Variants in CWC27 observed in about 807,000 individuals in gnomAD.
CWC27 encodes the protein CWC27 spliceosome associated cyclophilin.
Under a neutral mutation model 63.6 loss-of-function variants are expected in CWC27, and 47 were observed. The ratio of observed to expected loss-of-function variants is 0.74; its 90% CI spans 0.58 to 0.94. The LOEUF (loss-of-function observed/expected upper bound fraction) is 0.94. Among genes scored for constraint, CWC27 ranks in the 40% least tolerant of loss-of-function variants. The pLI is 0.00. For synonymous variants in CWC27, 175 were observed against 179.8 expected (o/e 0.97, Z 0.22); for missense variants, 495 against 554.3 (o/e 0.89, Z 1.07).
At chr5:64,963,165 T>C (rs912581321) in intron 11 of CWC27, among the ~76,000 whole-genome samples, 4 of 152,124 alleles carry the variant, frequency 2.6e-5, no homozygotes, top group African/African-American at 9.7e-5. Flanking sequence ...TTTTGCCATG[T>C]TGCCCAGGCT....
At chr5:64,915,747 A>G (rs898475885) in intron 11 of CWC27, among the ~76,000 whole-genome samples, 4 of 152,182 alleles carry the variant, frequency 2.6e-5, no homozygotes, top group African/African-American at 9.7e-5. Context: ...AATGCTTACT[A>G]TATGCCAAGC....
chr5:64,782,088 G>A, intron 3 of CWC27, 55 bp downstream of exon 3: 1 of 978,694 alleles, frequency 1.0e-6, no homozygotes, highest in Non-Finnish European at 1.5e-6. Flanking sequence ...TTATTTCCAA[G>A]TCAGTTTGGA....
chr5:64,856,100 A>G lies in CWC27; in HGVS notation c.939-29343A>G, dbSNP rs1746251761. ...TTGTGGAGTTTTTAAGATGACTACA[A>G]ACTCCAATATTAATTATATTTTAAA... On this transcript the variant is annotated intron_variant, in intron 10 of 13. Transcript: ENST00000381070. Among the ~76,000 whole-genome samples, 5 of 152,040 alleles carry G rather than the reference A, an allele frequency of 3.3e-5. No homozygotes were observed. The South Asian group carries it at 1.0e-3, about 32-fold the overall frequency.
chr5:65,003,612 G>A (rs1428096533), intron 13 of CWC27, among the ~76,000 whole-genome samples: 1 of 152,076 alleles, frequency 6.6e-6, no homozygotes, highest in Non-Finnish European at 1.5e-5. Context: ...CTCAATTTTT[G>A]TTTGTCTGGA....
intron 10 of CWC27, among the ~76,000 whole-genome samples, chr5:64,874,455 T>C (rs12655645): frequency 0.4 from 60,849 of 151,504 alleles, 13,531 homozygotes; most frequent in African/African-American, 0.59. Flanking sequence ...TGAGCCACCG[T>C]GCCCAGCCGA....
chr5:64,981,686 C>T (rs536473487), intron 13 of CWC27, among the ~76,000 whole-genome samples: 33 of 152,286 alleles, frequency 2.2e-4, no homozygotes, highest in African/African-American at 7.7e-4. Context: ...ATTAGAATCT[C>T]AAGAATTAAT....
intron 11 of CWC27, among the ~76,000 whole-genome samples, chr5:64,962,062 AT>A (rs1218846569): frequency 6.6e-6 from 1 of 152,226 alleles, no homozygotes; most frequent in Non-Finnish European, 1.5e-5. Context: ...GAAAAACAGA[AT>A]TATTTTAAAT....
At chr5:64,887,101 A>C (rs1005267066) in intron 11 of CWC27, among the ~76,000 whole-genome samples, 1 of 152,084 alleles carries the variant, frequency 6.6e-6, no homozygotes, top group Admixed American at 6.6e-5. Context: ...TAGTACCCTC[A>C]TGTCTTAAAC....
intron 10 of CWC27, among the ~76,000 whole-genome samples, chr5:64,868,086 C>CA (rs1746574438): frequency 6.6e-6 from 1 of 151,960 alleles, no homozygotes; most frequent in Admixed American, 6.6e-5. Context: ...GTATCAGCCA[C>CA]AAAGCTAATA....
In CWC27 at chr5:64,974,376, C is replaced by G. The variant is rs1749185566; in HGVS notation, c.1152+2564C>G. Reference sequence around the variant, plus strand: ...TATAGTTCCACCTGGCTGAGGAGGTCTCACAATCATGGCAGAGGGTGAAAG... The same window carrying G: ...TATAGTTCCACCTGGCTGAGGAGGTGTCACAATCATGGCAGAGGGTGAAAG... On this transcript the variant is annotated intron_variant, in intron 12 of 13. Transcript: ENST00000381070. Among the ~76,000 whole-genome samples the G allele has an allele frequency of 3.3e-5, 5 of 152,138 alleles. No individual in the cohort carries two copies. In the South Asian group the frequency reaches 1.0e-3, roughly 31 times the overall value.
chr5:64,944,597 C>T (rs1287949932), intron 11 of CWC27, among the ~76,000 whole-genome samples: 1 of 152,160 alleles, frequency 6.6e-6, no homozygotes, highest in East Asian at 1.9e-4. Context: ...CAAACCTGCT[C>T]CTCCTGAAAT....
intron 10 of CWC27, among the ~76,000 whole-genome samples, chr5:64,845,585 G>A (rs1745955881): frequency 6.6e-6 from 1 of 152,138 alleles, no homozygotes. Flanking sequence ...TACAATGACT[G>A]AACTGAAAAA....
At chr5:64,784,814 T>C (rs1743825716) in intron 4 of CWC27, among the ~76,000 whole-genome samples, 2 of 152,234 alleles carry the variant, frequency 1.3e-5, no homozygotes, top group African/African-American at 2.4e-5. Flanking sequence ...GAAATATGCA[T>C]TGGCACATTC....
intron 11 of CWC27, among the ~76,000 whole-genome samples, chr5:64,901,326 T>C (rs1747504499): frequency 6.6e-6 from 1 of 152,016 alleles, no homozygotes; most frequent in Non-Finnish European, 1.5e-5. Context: ...CCGGGTGTGG[T>C]GGCAGGTGCC....
chr5:64,904,094 A>G (rs1053500287), intron 11 of CWC27, among the ~76,000 whole-genome samples: 2 of 152,210 alleles, frequency 1.3e-5, no homozygotes, highest in Non-Finnish European at 2.9e-5. Flanking sequence ...AAAGACCACC[A>G]TGCTTCTACA....
intron 10 of CWC27, among the ~76,000 whole-genome samples, chr5:64,837,432 C>T (rs549455551): frequency 6.6e-6 from 1 of 151,780 alleles, no homozygotes; most frequent in Non-Finnish European, 1.5e-5. Context: ...TTTAATGTGA[C>T]TCCATTGCTT....
intron 11 of CWC27, among the ~76,000 whole-genome samples, chr5:64,958,245 A>G (rs1424262112): frequency 6.6e-6 from 1 of 152,198 alleles, no homozygotes; most frequent in Non-Finnish European, 1.5e-5. Flanking sequence ...CAATGTGATT[A>G]CTAGTTTGTT....
chr5:64,897,286 G>A (rs755694380), intron 11 of CWC27, among the ~76,000 whole-genome samples: 1 of 152,122 alleles, frequency 6.6e-6, no homozygotes, highest in Non-Finnish European at 1.5e-5. Flanking sequence ...ACATGCACAC[G>A]TATGTTTATT....
At chr5:64,814,507 C>A in intron 10 of CWC27, among the ~76,000 whole-genome samples, 1 of 152,134 alleles carries the variant, frequency 6.6e-6, no homozygotes, top group South Asian at 2.1e-4. Context: ...CCTAATATAA[C>A]TTCCACAGCA....
Sources: gnomAD v4.1 joint callset for allele counts (sites outside exome capture counted in the v4.1 genomes callset) on GRCh38, gnomAD v4.1.1 for gene constraint, MANE v1.5 for transcripts, NCBI Gene and HGNC (gene_info 2026-07-23, HGNC 2026-07-21) for gene names.